MAP4K4: variants seen among roughly 807,000 people sequenced by gnomAD.
The protein encoded by MAP4K4 is HPK/GCK-like kinase HGK.
In MAP4K4, 38 loss-of-function variants were observed where a neutral mutation model predicts 189.6. The observed-to-expected ratio is 0.20, with a 90% CI of 0.15 to 0.26. The LOEUF is 0.26. Ranked by LOEUF, MAP4K4 falls within the 10% of genes least tolerant of loss-of-function variation. The probability of loss-of-function intolerance (pLI) is 1.00; values close to 1 mark genes in which losing one functional copy is unlikely to be tolerated. For missense variants in MAP4K4, 1,054 were observed against 1,726.9 expected, an observed-to-expected ratio of 0.61 and a Z score of 6.91; for synonymous variants, 610 against 624.3, an observed-to-expected ratio of 0.98 and a Z score of 0.34.
At chr2:101,810,735 A>G (rs1184484608) in intron 3 of MAP4K4, among the ~76,000 whole-genome samples, 2 of 152,178 alleles carry the variant, frequency 1.3e-5, no homozygotes, top group Admixed American at 6.5e-5. Flanking sequence ...TAAAAGTTCT[A>G]AGACTTACAG....
At chr2:101,714,723 G>A (rs552265443) in intron 2 of MAP4K4, among the ~76,000 whole-genome samples, 6 of 152,276 alleles carry the variant, frequency 3.9e-5, no homozygotes, top group African/African-American at 1.4e-4. Context: ...ACTCTGATAC[G>A]TAAATGTTGG....
At chr2:101,827,259 C>A (rs1432581659) in intron 5 of MAP4K4, among the ~76,000 whole-genome samples, 1 of 152,124 alleles carries the variant, frequency 6.6e-6, no homozygotes, top group East Asian at 1.9e-4. Flanking sequence ...GCATCTGAAA[C>A]ACAAGCTTCC....
rs2096683477 is a variant in MAP4K4 at position 101,834,394 on chromosome 2, G to A, written c.640-15G>A. The A allele has an allele frequency of 2.5e-6, 4 of 1,595,910 alleles. No homozygotes were observed. Among genetic ancestry groups the A allele is most frequent in the Non-Finnish European group, 3.4e-6 (4 of 1,168,536 alleles). On this transcript the variant is annotated splice_polypyrimidine_tract_variant and intron_variant, in intron 7 of 32. Transcript: ENST00000324219. ...TCTACTCCAGTATCTGTAACGTACT[G>A]TTTTATTTTTGCAGAGTGATCTTTG...
intron 12 of MAP4K4, among the ~76,000 whole-genome samples, chr2:101,845,308 C>G (rs1015791038): frequency 6.6e-6 from 1 of 152,142 alleles, no homozygotes; most frequent in Non-Finnish European, 1.5e-5. Context: ...TCATTTAACT[C>G]ATTAATATTG....
At chr2:101,841,766 C>T (rs2096926353) in intron 10 of MAP4K4, among the ~76,000 whole-genome samples, 1 of 152,150 alleles carries the variant, frequency 6.6e-6, no homozygotes, top group Non-Finnish European at 1.5e-5. Flanking sequence ...CACACCCAGC[C>T]TGATTTTCAT....
In MAP4K4 at chr2:101,865,015, C is replaced by A. The variant is rs1284733047; in HGVS notation, c.2183C>A (p.Ala728Glu). 4 of 1,567,504 alleles carry A rather than the reference C, an allele frequency of 2.6e-6. No homozygotes were observed. The South Asian group carries it at 4.7e-5, about 18-fold the overall frequency. The change falls in exon 18 of 33, where the codon GCA becomes GAA. Residue 728 changes from alanine (A) to glutamate (E), a missense_variant. Around this residue, in one of 4 missense-constraint regions of MAP4K4, gnomAD observed 646 missense variants for 796.2 expected, o/e 0.81. Coordinates refer to ENST00000324219, the Ensembl canonical transcript of MAP4K4. ...GGCAGTGGGCAGCAGAATAGCCAGG[C>A]AGGACAGAGAAACTCCACCAGGTAA...
At chr2:101,763,947 G>A (rs1258315064) in intron 2 of MAP4K4, among the ~76,000 whole-genome samples, 2 of 152,110 alleles carry the variant, frequency 1.3e-5, no homozygotes, top group Non-Finnish European at 2.9e-5. Context: ...AGAGGTCAGG[G>A]TGCATGCAGT....
At chr2:101,840,248 G>A (rs2096875771) in intron 10 of MAP4K4, among the ~76,000 whole-genome samples, 1 of 152,242 alleles carries the variant, frequency 6.6e-6, no homozygotes, top group South Asian at 2.1e-4. Context: ...TCTTGTTCCC[G>A]AGGGTCACGT....
chr2:101,705,319 G>A (rs2041724482), intron 2 of MAP4K4, among the ~76,000 whole-genome samples: 1 of 152,148 alleles, frequency 6.6e-6, no homozygotes, highest in South Asian at 2.1e-4. Context: ...AAAACAGGGG[G>A]ATGGACACAA....
chr2:101,824,488 T>C (rs1372959022), intron 4 of MAP4K4, among the ~76,000 whole-genome samples: 1 of 152,210 alleles, frequency 6.6e-6, no homozygotes, highest in Non-Finnish European at 1.5e-5. Context: ...TTAATGATAA[T>C]AGTTAAAACA....
At chr2:101,756,091 C>T (rs770505312) in intron 2 of MAP4K4, among the ~76,000 whole-genome samples, 1 of 151,616 alleles carries the variant, frequency 6.6e-6, no homozygotes, top group African/African-American at 2.4e-5. Context: ...CAGGCAACCG[C>T]CACCACGTCT....
At chr2:101,711,217 A>ATG (rs1056304389) in intron 2 of MAP4K4, among the ~76,000 whole-genome samples, 2 of 152,214 alleles carry the variant, frequency 1.3e-5, no homozygotes, top group Admixed American at 1.3e-4. Context: ...AATGGGAACA[A>ATG]TGGTGTACAG....
chr2:101,736,301 A>G (rs930196819), intron 2 of MAP4K4, among the ~76,000 whole-genome samples: 11 of 152,236 alleles, frequency 7.2e-5, no homozygotes, highest in South Asian at 2.1e-4. Flanking sequence ...AGGCCCACCT[A>G]ATGCGTGGCC....
At chr2:101,870,319 T>A in exon 23 of MAP4K4, 1 of 1,613,024 alleles carries the variant, frequency 6.2e-7, no homozygotes, top group Non-Finnish European at 8.5e-7. Flanking sequence ...TGAGCAATGG[T>A]GAAACGGAAT....
intron 3 of MAP4K4, among the ~76,000 whole-genome samples, chr2:101,812,259 C>G (rs943862591): frequency 1.3e-5 from 2 of 152,300 alleles, no homozygotes; most frequent in South Asian, 4.1e-4. Context: ...TCCATGCAGA[C>G]TTTGCATGTG....
intron 17 of MAP4K4, 137 bp from the exon 18 acceptor site, chr2:101,864,793 T>G: frequency 1.6e-6 from 1 of 616,980 alleles, no homozygotes; most frequent in Non-Finnish European, 2.9e-6. Flanking sequence ...AGGGAAGGAG[T>G]TGGGGTGGGG....
At chr2:101,814,523 AT>A (rs1348430756) in intron 3 of MAP4K4, among the ~76,000 whole-genome samples, 1 of 152,212 alleles carries the variant, frequency 6.6e-6, no homozygotes, top group African/African-American at 2.4e-5. Context: ...CCCTTTCCAG[AT>A]TTGCAAATGA....
intron 3 of MAP4K4, among the ~76,000 whole-genome samples, chr2:101,801,632 C>T (rs1432805773): frequency 1.3e-5 from 2 of 152,138 alleles, no homozygotes; most frequent in Admixed American, 6.5e-5. Flanking sequence ...GTTCTGGGAG[C>T]GGTGGAAACC....
chr2:101,857,886 C>G (rs1330526020), intron 13 of MAP4K4, among the ~76,000 whole-genome samples: 2 of 152,168 alleles, frequency 1.3e-5, no homozygotes, highest in Non-Finnish European at 2.9e-5. Flanking sequence ...TGCACCATGA[C>G]ACAAGGGGAT....
Sources: gnomAD v4.1 joint callset for allele counts (sites outside exome capture counted in the v4.1 genomes callset) on GRCh38, gnomAD v4.1.1 for gene constraint, gnomAD v4.1.1 regional missense constraint, MANE v1.5 for transcripts, NCBI Gene and HGNC (gene_info 2026-07-23, HGNC 2026-07-21) for gene names.